The following ATP6V0A1 variants were observed in gnomAD, a reference collection of about 807,000 sequenced individuals.
ATP6V0A1 encodes the protein V-type proton ATPase 116 kDa subunit a 1.
A neutral mutation model predicts 105.4 loss-of-function variants in ATP6V0A1; 43 were observed. That is an observed-to-expected ratio of 0.41 (90% CI 0.32 to 0.53). The LOEUF (loss-of-function observed/expected upper bound fraction) is 0.53. Ranked by LOEUF, ATP6V0A1 falls within the 20% of genes least tolerant of loss-of-function variation. The pLI is 0.30. For synonymous variants in ATP6V0A1, 362 were observed against 372.8 expected (o/e 0.97, Z 0.33); for missense variants, 676 against 1,051.1 (o/e 0.64, Z 4.93).
intron 12 of ATP6V0A1, 40 bp from the exon 13 acceptor site, chr17:42,494,994 A>G: frequency 6.3e-7 from 1 of 1,589,090 alleles, no homozygotes. Flanking sequence ...TGTGAGCTGC[A>G]GTGAGTACAT....
chr17:42,494,650 T>C, intron 12 of ATP6V0A1, 177 bp downstream of exon 12: 1 of 740,370 alleles, frequency 1.4e-6, no homozygotes, highest in Non-Finnish European at 2.1e-6. Flanking sequence ...AGTGTGTGCC[T>C]GTAGTCCCAG....
intron 16 of ATP6V0A1, 34 bp downstream of exon 16, chr17:42,500,957 A>G (rs369334652): frequency 6.3e-7 from 1 of 1,577,850 alleles, no homozygotes; most frequent in East Asian, 2.2e-5. Context: ...GTCTGAGATG[A>G]TTATACTTGA....
chr17:42,520,797 G>A, intron 21 of ATP6V0A1: 2 of 529,866 alleles, frequency 3.8e-6, no homozygotes, highest in Non-Finnish European at 6.9e-6. Context: ...CTGCTCGGCA[G>A]GACAGAGCAA....
intron 2 of ATP6V0A1, among the ~76,000 whole-genome samples, chr17:42,463,208 T>C (rs1378250875): frequency 6.7e-6 from 1 of 149,768 alleles, no homozygotes; most frequent in African/African-American, 2.5e-5. Context: ...AGTTTCACCA[T>C]GTTGCCCAGG....
chr17:42,465,032 G>A (rs1183777917), intron 2 of ATP6V0A1, among the ~76,000 whole-genome samples: 1 of 151,342 alleles, frequency 6.6e-6, no homozygotes, highest in Non-Finnish European at 1.5e-5. Flanking sequence ...TCGCTCTGTT[G>A]CCCAGGCTGG....
chr17:42,478,757 T>C (rs2089108007), intron 7 of ATP6V0A1, 168 bp downstream of exon 7: 1 of 579,248 alleles, frequency 1.7e-6, no homozygotes, highest in East Asian at 4.0e-5. Context: ...ATTCCTGTCA[T>C]ATATACATAT....
rs779342810 is a variant in ATP6V0A1, at chr17:42,477,674, C to T, written c.438C>T (p.Asp146=). ...ATCATCAGCAGATGGCGGATCCAGACTTGTTGGAAGAGTCCTCATCCCTCT... is the reference window on the plus strand; with the variant it reads ...ATCATCAGCAGATGGCGGATCCAGATTTGTTGGAAGAGTCCTCATCCCTCT... ...QQFFDEMADP[D]LLEESSSLLE... Residue 146 remains aspartate (D), a synonymous_variant, in exon 6 of 22, where the codon GAC becomes GAT. Transcript: ENST00000343619. 6.2e-6 allele frequency: 10 copies of T among 1,613,798 alleles called. No homozygotes were observed. The highest frequency in any genetic ancestry group is 8.5e-6 in the Non-Finnish European group (10 of 1,179,868).
At chr17:42,482,298 C>T (rs1311735183) in intron 8 of ATP6V0A1, among the ~76,000 whole-genome samples, 1 of 152,094 alleles carries the variant, frequency 6.6e-6, no homozygotes, top group Admixed American at 6.6e-5. Flanking sequence ...AGGCATGTGC[C>T]ACCATGCCCG....
At chr17:42,508,825 C>G (rs2092185000) in intron 19 of ATP6V0A1, among the ~76,000 whole-genome samples, 1 of 152,214 alleles carries the variant, frequency 6.6e-6, no homozygotes, top group African/African-American at 2.4e-5. Flanking sequence ...GCTGATTTAA[C>G]ACCTCTGAGA....
intron 14 of ATP6V0A1, among the ~76,000 whole-genome samples, chr17:42,497,894 T>C (rs2091329678): frequency 7.0e-6 from 1 of 141,982 alleles, no homozygotes; most frequent in Admixed American, 7.4e-5. Context: ...ATTTCACCAC[T>C]GCACTCCAGC....
At chr17:42,469,411 A>G (rs1057210570) in intron 4 of ATP6V0A1, among the ~76,000 whole-genome samples, 2 of 146,180 alleles carry the variant, frequency 1.4e-5, no homozygotes, top group African/African-American at 5.2e-5. Context: ...GCTCACTGCA[A>G]CCTCCGCCTC....
intron 17 of ATP6V0A1, among the ~76,000 whole-genome samples, chr17:42,506,416 G>A (rs748536839): frequency 5.9e-5 from 9 of 152,218 alleles, no homozygotes; most frequent in Non-Finnish European, 1.2e-4. Flanking sequence ...TAGATCTGAG[G>A]TGGGCATTAA....
chr17:42,494,900 T>A, intron 12 of ATP6V0A1, 134 bp from the exon 13 acceptor site: 1 of 1,006,286 alleles, frequency 9.9e-7, no homozygotes, highest in East Asian at 2.4e-5. Flanking sequence ...GTATTTTGGT[T>A]TTTACTTCAA....
intron 9 of ATP6V0A1, among the ~76,000 whole-genome samples, chr17:42,483,628 G>A (rs1333616838): frequency 1.3e-5 from 2 of 152,000 alleles, no homozygotes; most frequent in African/African-American, 2.4e-5. Flanking sequence ...TTTGCCCAGG[G>A]TGGAGTGCAG....
rs540607439 is a variant in ATP6V0A1 at position 42,521,774 on chromosome 17, C to T, written c.*654C>T. On this transcript the variant is annotated 3_prime_UTR_variant, in exon 22 of 22. Transcript: ENST00000343619. The surrounding 1 kb of genome is among the most constrained non-coding windows in gnomAD (Gnocchi z 4.8). ...TGCACTCCCATCCTTTCCTCTCTCCCCGTTCATGCCCTGCACTACATAGCA... is the reference window on the plus strand; with the variant it reads ...TGCACTCCCATCCTTTCCTCTCTCCTCGTTCATGCCCTGCACTACATAGCA... The T allele has an allele frequency of 6.5e-6, 1 of 152,862 alleles. No homozygotes were observed. The highest frequency in any genetic ancestry group is 2.1e-4 in the South Asian group (1 of 4,828). The allele number at this position is 152,862 out of a possible 1,614,324, so 9.5% of individuals were successfully genotyped here.
At chr17:42,476,069 ATGT>A (rs1448554155) in intron 5 of ATP6V0A1, among the ~76,000 whole-genome samples, 1 of 152,202 alleles carries the variant, frequency 6.6e-6, no homozygotes. Flanking sequence ...ACAAGTTGAA[ATGT>A]TGTAATCATC....
chr17:42,499,077 T>C, intron 15 of ATP6V0A1, 35 bp downstream of exon 15: 1 of 1,427,228 alleles, frequency 7.0e-7, no homozygotes, highest in Non-Finnish European at 9.8e-7. Context: ...AGAATGTGCA[T>C]AGTTTAGAGA....
Position 42,500,796 on chromosome 17 carries a change from T to C in ATP6V0A1, c.1769T>C (p.Ile590Thr). Residue 590 changes from isoleucine (I) to threonine (T), a missense_variant, in exon 16 of 22, where the codon ATT (isoleucine) becomes ACT (threonine). Ile to Thr is a moderately conservative substitution (Grantham distance 89, BLOSUM62 -1). Around this residue, in one of 3 missense-constraint regions of ATP6V0A1, gnomAD observed 435 missense variants for 642.2 expected, o/e 0.68. Coordinates refer to ENST00000343619, the MANE Select transcript of ATP6V0A1 (RefSeq NM_001130021.3). ...TSLFGYLVIL[I>T]FYKWTAYDAH... ...TTGTTTGGCTATTTGGTTATCCTTATTTTTTACAAGTGGACGGCCTATGAT... is the reference window on the plus strand; with the variant it reads ...TTGTTTGGCTATTTGGTTATCCTTACTTTTTACAAGTGGACGGCCTATGAT... The C allele has an allele frequency of 6.2e-7, 1 of 1,613,962 alleles. No homozygotes were observed. The highest frequency in any genetic ancestry group is 8.5e-7 in the Non-Finnish European group (1 of 1,179,802).
At chr17:42,505,617 T>C (rs563713453) in intron 17 of ATP6V0A1, among the ~76,000 whole-genome samples, 1 of 151,994 alleles carries the variant, frequency 6.6e-6, no homozygotes, top group Non-Finnish European at 1.5e-5. Flanking sequence ...GGATTACAGG[T>C]GTGAGCCACT....
Sources: allele counts gnomAD v4.1 joint callset (sites outside exome capture counted in the v4.1 genomes callset), GRCh38; gene constraint gnomAD v4.1.1; regional missense constraint gnomAD v4.1.1; non-coding constraint Gnocchi (gnomAD v3.1); transcripts MANE v1.5; gene names NCBI Gene and HGNC (gene_info 2026-07-23, HGNC 2026-07-21).